The following COL22A1 variants were observed in gnomAD, a reference collection of about 807,000 sequenced individuals.
The protein encoded by COL22A1 is collagen type XXII alpha 1 chain, also known as collagen alpha-1(XXII) chain.
A neutral mutation model predicts 248.9 loss-of-function variants in COL22A1; 221 were observed. The observed-to-expected ratio is 0.89, with a 90% confidence interval of 0.80 to 0.99. The LOEUF (loss-of-function observed/expected upper bound fraction) is 0.99, where lower values mean the gene tolerates loss of function less well. Among genes scored for constraint, COL22A1 ranks in the 50% least tolerant of loss-of-function variants. The pLI is 0.00. For missense variants in COL22A1, 2,240 were observed against 2,179.0 expected (o/e 1.03, Z -0.56); for synonymous variants, 891 against 793.4 (o/e 1.12, Z -2.07).
chr8:138,805,550 T>A (rs1252914972), intron 10 of COL22A1, among the ~76,000 whole-genome samples: 1 of 144,882 alleles, frequency 6.9e-6, no homozygotes, highest in Non-Finnish European at 1.5e-5. Context: ...TGATGGTATG[T>A]GTGATGGTGT....
chr8:138,880,356 G>A (rs762559420), intron 2 of COL22A1, among the ~76,000 whole-genome samples: 1 of 152,140 alleles, frequency 6.6e-6, no homozygotes, highest in Non-Finnish European at 1.5e-5. Context: ...GTGTGCACGC[G>A]CGATTGTGTA....
chr8:138,792,225 G>C (rs1009694009), intron 12 of COL22A1, among the ~76,000 whole-genome samples: 26 of 152,248 alleles, frequency 1.7e-4, no homozygotes, highest in African/African-American at 6.3e-4. Context: ...CAACACTGTC[G>C]CACCTCTAGG....
intron 1 of COL22A1, among the ~76,000 whole-genome samples, chr8:138,890,627 C>T (rs765885628): frequency 6.6e-6 from 1 of 151,900 alleles, no homozygotes; most frequent in African/African-American, 2.4e-5. Context: ...ATGGCATGAT[C>T]GTATATGTGG....
intron 9 of COL22A1, among the ~76,000 whole-genome samples, chr8:138,810,806 C>T (rs764581516): frequency 9.2e-5 from 14 of 152,204 alleles, no homozygotes; most frequent in Non-Finnish European, 1.8e-4. Context: ...AAGAAGACTG[C>T]TGCTACAATA....
chr8:138,829,403 G>GTGTTTTT (rs1819848970), intron 5 of COL22A1, among the ~76,000 whole-genome samples: 1 of 90,640 alleles, frequency 1.1e-5, no homozygotes, highest in Non-Finnish European at 2.0e-5. Flanking sequence ...TTCCTTTCCT[G>GTGTTTTT]TTTTTTTTTT....
chr8:138,857,538 G>A (rs1425158704), intron 3 of COL22A1, among the ~76,000 whole-genome samples: 2 of 152,104 alleles, frequency 1.3e-5, no homozygotes, highest in Non-Finnish European at 2.9e-5. Context: ...GCATGGAGCT[G>A]CTCCTGACTC....
chr8:138,741,657 C>G (rs2131281317), intron 22 of COL22A1, among the ~76,000 whole-genome samples: 1 of 152,308 alleles, frequency 6.6e-6, no homozygotes, highest in African/African-American at 2.4e-5. Flanking sequence ...TAGTAAGAGT[C>G]ATATTCTGGC....
rs533114000 is a variant in COL22A1, at chr8:138,837,505, C to T, written c.734-4355G>A. Among the ~76,000 whole-genome samples the T allele has an allele frequency of 2.0e-5, 3 of 152,326 alleles. No individual in the cohort carries two copies. The South Asian group carries it at 6.2e-4, about 32-fold the overall frequency. ...GCCCCAGAGGCTGCAGTCTCAGCAT[C>T]GCCTGGGGACAGAAGCATGGAGAGT... On this transcript the variant is annotated intron_variant, in intron 4 of 64. Transcript: ENST00000303045.
chr8:138,808,897 T>C (rs1417737342), intron 9 of COL22A1, among the ~76,000 whole-genome samples: 1 of 152,226 alleles, frequency 6.6e-6, no homozygotes, highest in African/African-American at 2.4e-5. Flanking sequence ...CTCCCCATGA[T>C]GTTTGCTTAT....
At chr8:138,902,784 A>ACACACG (rs1563907561) in intron 1 of COL22A1, among the ~76,000 whole-genome samples, 1 of 149,408 alleles carries the variant, frequency 6.7e-6, no homozygotes, top group African/African-American at 2.5e-5. Flanking sequence ...ACACACACAC[A>ACACACG]CTAGAACTGA....
rs1358117955 is a variant in COL22A1, at chr8:138,726,432, G to A, written c.2140-992C>T. Among the ~76,000 whole-genome samples the A allele has an allele frequency of 4.0e-5, 6 of 150,622 alleles. No homozygotes were observed. The East Asian group carries it at 1.2e-3, about 29-fold the overall frequency. On this transcript the variant is annotated intron_variant, in intron 23 of 64. Transcript: ENST00000303045. Reference sequence around the variant, plus strand: ...GGATTGTTTGAGACTGGGAGTTTGAGGCTGCAGTGAGCTGTGATTGTGCCA... The same window carrying A: ...GGATTGTTTGAGACTGGGAGTTTGAAGCTGCAGTGAGCTGTGATTGTGCCA...
chr8:138,764,536 G>C (rs1255448364), intron 16 of COL22A1, among the ~76,000 whole-genome samples: 1 of 152,240 alleles, frequency 6.6e-6, no homozygotes, highest in African/African-American at 2.4e-5. Context: ...GGGCTCTGCA[G>C]TTTGGTTTGC....
chr8:138,663,012 T>TCTCTCACACACACACACACACACACA (rs1554737802), intron 42 of COL22A1, among the ~76,000 whole-genome samples: 4 of 140,872 alleles, frequency 2.8e-5, no homozygotes, highest in African/African-American at 1.0e-4. Flanking sequence ...CAGGACTCTG[T>TCTCTCACACACACACACACACACACA]CACTCACACA....
chr8:138,602,085 G>C (rs371313305), intron 60 of COL22A1, 30 bp downstream of exon 60: 1 of 1,613,652 alleles, frequency 6.2e-7, no homozygotes, highest in Non-Finnish European at 8.5e-7. Context: ...CGCGTTCGGC[G>C]TGTTCAAGGT....
chr8:138,709,531 G>A (rs972187882), intron 30 of COL22A1, among the ~76,000 whole-genome samples: 4 of 150,690 alleles, frequency 2.7e-5, no homozygotes, highest in South Asian at 2.1e-4. Flanking sequence ...GCAAACTATC[G>A]CAAGGACAGA....
intron 47 of COL22A1, among the ~76,000 whole-genome samples, chr8:138,642,968 G>T (rs1041867884): frequency 6.6e-6 from 1 of 151,398 alleles, no homozygotes; most frequent in Non-Finnish European, 1.5e-5. Flanking sequence ...GGTGGAAGTT[G>T]CAGTGAGCCG....
intron 39 of COL22A1, among the ~76,000 whole-genome samples, chr8:138,684,218 C>T (rs1013871679): frequency 5.3e-5 from 8 of 149,556 alleles, no homozygotes; most frequent in African/African-American, 1.7e-4. Context: ...GAGCTGAGAT[C>T]GCACCACTGC....
chr8:138,687,601 G>A (rs141506956), intron 37 of COL22A1, among the ~76,000 whole-genome samples: 1 of 152,298 alleles, frequency 6.6e-6, no homozygotes, highest in East Asian at 1.9e-4. Flanking sequence ...ATCTGCTCAC[G>A]CAGGGAGGGC....
At chr8:138,805,998 G>GTT (rs1817591512) in intron 10 of COL22A1, among the ~76,000 whole-genome samples, 4 of 63,380 alleles carry the variant, frequency 6.3e-5, no homozygotes, top group East Asian at 5.4e-4. Context: ...GTGATGGTGT[G>GTT]TGTGTGTGAC....
Sources: allele counts gnomAD v4.1 joint callset (sites outside exome capture counted in the v4.1 genomes callset), GRCh38; gene constraint gnomAD v4.1.1; transcripts MANE v1.5; gene names NCBI Gene and HGNC (gene_info 2026-07-23, HGNC 2026-07-21).